The following PTPRD variants were observed in gnomAD, a reference collection of about 807,000 sequenced individuals.
PTPRD encodes the protein receptor-type tyrosine-protein phosphatase delta.
A neutral mutation model predicts 214.5 loss-of-function variants in PTPRD; 34 were observed. That is an observed-to-expected ratio of 0.16 (90% CI 0.12 to 0.21). The LOEUF is 0.21. Among genes scored for constraint, PTPRD ranks in the 10% least tolerant of loss-of-function variants. The probability of loss-of-function intolerance (pLI) is 1.00; values close to 1 mark genes in which losing one functional copy is unlikely to be tolerated. For missense variants in PTPRD, 2,545 were observed against 2,398.7 expected (o/e 1.06, Z -1.27); for synonymous variants, 1,128 against 845.7 (o/e 1.33, Z -5.79).
intron 8 of PTPRD, among the ~76,000 whole-genome samples, chr9:9,558,091 C>G (rs2081981064): frequency 1.3e-5 from 2 of 152,228 alleles, no homozygotes; most frequent in Admixed American, 1.3e-4. Flanking sequence ...CTGGCTCCCT[C>G]CTGTCCATCT....
intron 3 of PTPRD, among the ~76,000 whole-genome samples, chr9:10,067,952 T>C (rs1013061559): frequency 1.3e-4 from 19 of 151,940 alleles, no homozygotes; most frequent in Non-Finnish European, 2.4e-4. Context: ...TGGGAAGAGA[T>C]GGCTCTTGGG....
intron 5 of PTPRD, among the ~76,000 whole-genome samples, chr9:9,916,108 C>T (rs1393035007): frequency 6.6e-6 from 1 of 150,944 alleles, no homozygotes; most frequent in South Asian, 2.1e-4. Context: ...AAACTGTCAG[C>T]TACAAATACT....
intron 3 of PTPRD, among the ~76,000 whole-genome samples, chr9:10,299,484 C>T (rs926642109): frequency 6.6e-6 from 1 of 152,076 alleles, no homozygotes; most frequent in African/African-American, 2.4e-5. Flanking sequence ...TAAATGGAGA[C>T]CTTGAATGTG....
intron 11 of PTPRD, among the ~76,000 whole-genome samples, chr9:8,750,101 C>CA (rs560218570): frequency 0.011 from 1,491 of 134,408 alleles, 31 homozygotes; most frequent in African/African-American, 0.036. Flanking sequence ...GACTCTGTCT[C>CA]AAAAAAAAAA....
intron 12 of PTPRD, among the ~76,000 whole-genome samples, chr9:8,682,303 C>T (rs2097566867): frequency 6.6e-6 from 1 of 152,232 alleles, no homozygotes; most frequent in South Asian, 2.1e-4. Flanking sequence ...TATACCCATT[C>T]TTAGCATGAC....
At chr9:10,582,233 C>T (rs1039498375) in intron 2 of PTPRD, among the ~76,000 whole-genome samples, 3 of 152,130 alleles carry the variant, frequency 2.0e-5, no homozygotes, top group African/African-American at 7.2e-5. Context: ...CAGCATGAGC[C>T]ATTATCAGTT....
intron 9 of PTPRD, among the ~76,000 whole-genome samples, chr9:9,327,904 TAAA>T (rs35650113): frequency 0.018 from 2,551 of 142,850 alleles, 70 homozygotes; most frequent in African/African-American, 0.063. Context: ...GTTGATGAGC[TAAA>T]AAAAAAAAAA....
At chr9:9,970,744 G>C (rs1342651951) in intron 4 of PTPRD, among the ~76,000 whole-genome samples, 1 of 152,138 alleles carries the variant, frequency 6.6e-6, no homozygotes, top group African/African-American at 2.4e-5. Context: ...GCTAGGCTTA[G>C]CTGAATGGGA....
chr9:8,379,793 T>A (rs1317052515), intron 37 of PTPRD, among the ~76,000 whole-genome samples: 1 of 151,978 alleles, frequency 6.6e-6, no homozygotes, highest in African/African-American at 2.4e-5. Flanking sequence ...ACGAATACGG[T>A]TTTTTGCCTT....
chr9:10,364,146 C>T (rs1298334955), intron 2 of PTPRD, among the ~76,000 whole-genome samples: 1 of 151,400 alleles, frequency 6.6e-6, no homozygotes, highest in Non-Finnish European at 1.5e-5. Flanking sequence ...ACTACAGGCG[C>T]CCGCCACCAT....
At chr9:9,923,121 G>GTT in intron 5 of PTPRD, among the ~76,000 whole-genome samples, 1 of 45,342 alleles carries the variant, frequency 2.2e-5, no homozygotes, top group Non-Finnish European at 3.3e-5. Context: ...GTGTGTGTGG[G>GTT]GGGTGTGTGT....
intron 18 of PTPRD, 80 bp from the exon 19 acceptor site, chr9:8,523,604 A>G: frequency 4.6e-6 from 7 of 1,517,632 alleles, no homozygotes; most frequent in Non-Finnish European, 6.4e-6. Context: ...GAGAGAGTAA[A>G]AAGGCCATAT....
chr9:9,673,379 G>T (rs529670319), intron 7 of PTPRD, among the ~76,000 whole-genome samples: 1 of 151,784 alleles, frequency 6.6e-6, no homozygotes, highest in African/African-American at 2.4e-5. Context: ...GAATAATTAT[G>T]CTCAAATTAT....
chr9:8,337,111 G>T (rs146449786), intron 43 of PTPRD, among the ~76,000 whole-genome samples: 1,939 of 152,120 alleles, frequency 0.013, 29 homozygotes, highest in African/African-American at 0.045. Context: ...TATACCCAAA[G>T]GATTATAAAT....
chr9:9,763,913 C>T (rs955435198), intron 6 of PTPRD, among the ~76,000 whole-genome samples: 2 of 151,906 alleles, frequency 1.3e-5, no homozygotes, highest in Admixed American at 6.6e-5. Flanking sequence ...ACCCTCATGC[C>T]TCTATATATG....
chr9:9,943,984 G>T (rs1421809052), intron 4 of PTPRD, among the ~76,000 whole-genome samples: 1 of 151,890 alleles, frequency 6.6e-6, no homozygotes, highest in Non-Finnish European at 1.5e-5. Context: ...ACTTTTTCTT[G>T]ATTTTTATCT....
chr9:10,400,900 C>A (rs914429934), intron 2 of PTPRD, among the ~76,000 whole-genome samples: 5 of 151,332 alleles, frequency 3.3e-5, no homozygotes, highest in Admixed American at 6.6e-5. Flanking sequence ...TTAACTATTT[C>A]TTTGTATTCC....
chr9:10,482,029 A>G (rs947267903), intron 2 of PTPRD, among the ~76,000 whole-genome samples: 1 of 152,160 alleles, frequency 6.6e-6, no homozygotes, highest in African/African-American at 2.4e-5. Flanking sequence ...AAAAGAGGAA[A>G]GAAATATAAA....
intron 5 of PTPRD, among the ~76,000 whole-genome samples, chr9:9,770,757 A>AAAAT (rs1378116819): frequency 6.6e-6 from 1 of 152,158 alleles, no homozygotes; most frequent in African/African-American, 2.4e-5. Flanking sequence ...TCTGGAGAAA[A>AAAAT]AAATAATTCC....
Sources: allele counts gnomAD v4.1 joint callset (sites outside exome capture counted in the v4.1 genomes callset), GRCh38; gene constraint gnomAD v4.1.1; transcripts MANE v1.5; gene names NCBI Gene and HGNC (gene_info 2026-07-23, HGNC 2026-07-21).